VPS13A: variants seen among roughly 807,000 people sequenced by gnomAD.
VPS13A encodes the protein vacuolar protein sorting 13 homolog A, also known as intermembrane lipid transfer protein VPS13A.
Under a neutral mutation model 390.9 loss-of-function variants are expected in VPS13A, and 264 were observed. The observed-to-expected ratio is 0.68, with a 90% CI of 0.61 to 0.75. The LOEUF is 0.75. Ranked by LOEUF, VPS13A falls within the 30% of genes least tolerant of loss-of-function variation. VPS13A has a pLI of 0.00. For missense variants in VPS13A, 3,409 were observed against 3,733.9 expected, an observed-to-expected ratio of 0.91 and a Z score of 2.27; for synonymous variants, 1,231 against 1,227.1, an observed-to-expected ratio of 1.00 and a Z score of -0.07.
Position 77,415,962 on chromosome 9 carries a change from C to T in VPS13A, c.9481C>T (p.Leu3161Phe). Residue 3161 changes from leucine (L) to phenylalanine (F), a missense_variant, in exon 72 of 72, where the codon CTC becomes TTC. Coordinates refer to ENST00000360280, the MANE Select transcript of VPS13A (RefSeq NM_033305.3). ...FKTPEDARWI[L>F]TKLQEAREPS... Reference sequence around the variant, plus strand: ...ATTTATTTTCCCACCGCAGTGGATCCTCACAAAGCTACAAGAAGCAAGAGA... The same window carrying T: ...ATTTATTTTCCCACCGCAGTGGATCTTCACAAAGCTACAAGAAGCAAGAGA... The T allele has an allele frequency of 1.2e-6, 2 of 1,613,436 alleles. No individual in the cohort carries two copies. The highest frequency in any genetic ancestry group is 1.7e-6 in the Non-Finnish European group (2 of 1,179,486).
At chr9:77,255,881 CT>C (rs1463312972) in intron 22 of VPS13A, among the ~76,000 whole-genome samples, 1 of 151,844 alleles carries the variant, frequency 6.6e-6, no homozygotes, top group Non-Finnish European at 1.5e-5. Flanking sequence ...TAAATTGAGT[CT>C]TTTCTGTTTT....
chr9:77,339,203 T>G (rs1344160202), intron 47 of VPS13A: 2 of 287,140 alleles, frequency 7.0e-6, no homozygotes, highest in Non-Finnish European at 1.3e-5. Context: ...GTCGTTGTTT[T>G]ACCAATTATA....
intron 6 of VPS13A, among the ~76,000 whole-genome samples, 154 bp from the exon 7 acceptor site, chr9:77,210,462 C>T (rs1217409407): frequency 6.6e-6 from 1 of 150,990 alleles, no homozygotes; most frequent in East Asian, 2.0e-4. Flanking sequence ...GTTACCCAGG[C>T]TGGTCTCCAG....
intron 1 of VPS13A, among the ~76,000 whole-genome samples, chr9:77,193,281 A>G (rs1349623538): frequency 6.6e-6 from 1 of 152,098 alleles, no homozygotes; most frequent in Non-Finnish European, 1.5e-5. Context: ...TTGGGTTTCA[A>G]CTTTCTCCCG....
intron 22 of VPS13A, among the ~76,000 whole-genome samples, chr9:77,253,404 C>G (rs1825254350): frequency 1.3e-5 from 2 of 152,190 alleles, no homozygotes; most frequent in Admixed American, 6.5e-5. Flanking sequence ...CTCCTGGGTT[C>G]AAGTGATTCT....
At chr9:77,253,462 C>A (rs773161200) in intron 22 of VPS13A, among the ~76,000 whole-genome samples, 1 of 152,004 alleles carries the variant, frequency 6.6e-6, no homozygotes, top group African/African-American at 2.4e-5. Context: ...CATGCCACCA[C>A]GCCCAGCTAA....
At chr9:77,284,925 A>C (rs1486349183) in intron 31 of VPS13A, among the ~76,000 whole-genome samples, 1 of 152,014 alleles carries the variant, frequency 6.6e-6, no homozygotes, top group African/African-American at 2.4e-5. Context: ...GGCTCATCTC[A>C]AACTCCTGGC....
At chr9:77,383,641 G>A (rs928867188) in intron 68 of VPS13A, among the ~76,000 whole-genome samples, 3 of 151,968 alleles carry the variant, frequency 2.0e-5, no homozygotes, top group African/African-American at 7.2e-5. Context: ...ATTTCTCATG[G>A]TTGATAATTT....
At chr9:77,275,915 G>T (rs953199195) in intron 25 of VPS13A, 150 bp from the exon 26 acceptor site, 1 of 819,382 alleles carries the variant, frequency 1.2e-6, no homozygotes, top group Non-Finnish European at 1.9e-6. Context: ...TGTGTGTATT[G>T]TATGTCTGTG....
chr9:77,400,705 G>C (rs897461678), intron 68 of VPS13A, among the ~76,000 whole-genome samples: 2 of 151,546 alleles, frequency 1.3e-5, no homozygotes, highest in African/African-American at 4.9e-5. Context: ...ATGGGTGCCT[G>C]TAGTCCCAGC....
intron 1 of VPS13A, among the ~76,000 whole-genome samples, chr9:77,192,892 G>T (rs926066052): frequency 6.6e-6 from 1 of 152,136 alleles, no homozygotes; most frequent in Non-Finnish European, 1.5e-5. Flanking sequence ...AACCTCTCTA[G>T]CTAGGATGGG....
chr9:77,406,338 T>G (rs1284136499), intron 70 of VPS13A, among the ~76,000 whole-genome samples: 1 of 152,222 alleles, frequency 6.6e-6, no homozygotes, highest in Non-Finnish European at 1.5e-5. Flanking sequence ...TTTCCCTTTC[T>G]AACATTAATA....
chr9:77,207,243 A>ATGTATATATACG, intron 5 of VPS13A, among the ~76,000 whole-genome samples: 1 of 103,220 alleles, frequency 9.7e-6, no homozygotes, highest in Admixed American at 1.1e-4. Context: ...ATATATATAT[A>ATGTATATATACG]TATATATATA....
chr9:77,232,361 C>G (rs368326779), intron 17 of VPS13A, among the ~76,000 whole-genome samples: 6 of 152,060 alleles, frequency 3.9e-5, no homozygotes, highest in African/African-American at 1.4e-4. Flanking sequence ...GTAGTATTGC[C>G]ATAATAACAA....
chr9:77,373,133 T>G (rs980948047), intron 67 of VPS13A, among the ~76,000 whole-genome samples: 2 of 151,928 alleles, frequency 1.3e-5, no homozygotes, highest in Non-Finnish European at 2.9e-5. Context: ...TGGAAAAAAC[T>G]ACTTTAAAGT....
chr9:77,316,541 T>G, intron 39 of VPS13A, 135 bp downstream of exon 39: 1 of 689,542 alleles, frequency 1.5e-6, no homozygotes, highest in South Asian at 1.7e-5. Context: ...TTAGAGAGCT[T>G]AATTTAGAAT....
chr9:77,415,337 C>G lies in VPS13A; in HGVS notation c.9475-619C>G, dbSNP rs528413811. ...TCTCCCTATCTTAGGGCTATTCTTA[C>G]TAGGCTCTTTTAAGTTAAAGAGGTA... is the stretch of plus-strand genomic sequence containing the variant. On this transcript the variant is annotated intron_variant, in intron 71 of 71. Transcript: ENST00000360280. Among the ~76,000 whole-genome samples, 17 of 152,282 alleles carry G rather than the reference C, an allele frequency of 1.1e-4. No homozygotes were observed. The East Asian group carries it at 3.1e-3, about 28-fold the overall frequency.
At chr9:77,195,248 C>T (rs150506231) in intron 1 of VPS13A, among the ~76,000 whole-genome samples, 2 of 152,114 alleles carry the variant, frequency 1.3e-5, no homozygotes, top group African/African-American at 2.4e-5. Context: ...CTCAGCCTCC[C>T]GAGTAGCTGG....
intron 22 of VPS13A, among the ~76,000 whole-genome samples, chr9:77,253,390 C>G (rs1251937233): frequency 6.6e-6 from 1 of 152,192 alleles, no homozygotes; most frequent in Non-Finnish European, 1.5e-5. Flanking sequence ...ACTGCTACCT[C>G]CACCTCCTGG....
Sources: allele counts gnomAD v4.1 joint callset (sites outside exome capture counted in the v4.1 genomes callset), GRCh38; gene constraint gnomAD v4.1.1; transcripts MANE v1.5; gene names NCBI Gene and HGNC (gene_info 2026-07-23, HGNC 2026-07-21).